The following CEP41 variants were observed in gnomAD, a reference collection of about 807,000 sequenced individuals.
The protein encoded by CEP41 is centrosomal protein of 41 kDa.
CEP41 carries 32 observed loss-of-function variants against 44.3 expected under a neutral mutation model. The ratio of observed to expected loss-of-function variants is 0.72; its 90% CI spans 0.54 to 0.97. The LOEUF (loss-of-function observed/expected upper bound fraction) is 0.97, where lower values mean the gene tolerates loss of function less well. Among genes scored for constraint, CEP41 ranks in the 50% least tolerant of loss-of-function variants. The pLI, the probability that CEP41 is intolerant of heterozygous loss-of-function variation, is 0.00. For synonymous variants in CEP41, 151 were observed against 168.5 expected (o/e 0.90, Z 0.80); for missense variants, 432 against 455.2 (o/e 0.95, Z 0.46).
At position 130,406,286 on chromosome 7, in the gene CEP41, A is replaced by T. The variant is rs782031802; in HGVS notation, c.278-1578T>A. Among the ~76,000 whole-genome samples, 63 of 152,112 alleles carry T rather than the reference A, an allele frequency of 4.1e-4. 1 individual carries two copies. The highest frequency in any genetic ancestry group is 8.1e-4 in the Non-Finnish European group (55 of 68,028). ...CTAACCAATACAATAAAGTTTTTTT[A>T]AAAATAATAATAACAGGGCGGGCAT... On this transcript the variant is annotated intron_variant, in intron 5 of 10. Transcript: ENST00000223208.
Position 130,395,569 on chromosome 7 carries a change from G to A in CEP41, c.*3322C>T, listed in dbSNP as rs1554414148. ...TCTAAAAAAGTCAGATAACATAAAA[G>A]ACAGAATCTATAGCCAATAAACAAC... is the stretch of plus-strand genomic sequence containing the variant. On this transcript the variant is annotated 3_prime_UTR_variant, in exon 11 of 11. Transcript: ENST00000223208. 2.2e-6 allele frequency: 1 copy of A among 454,032 alleles called. No individual in the cohort carries two copies. The highest frequency in any genetic ancestry group is 2.0e-5 in the African/African-American group (1 of 50,114). 28.1% of individuals were successfully genotyped at this position (454,032 alleles called of 1,614,324 possible).
chr7:130,428,792 C>T lies in CEP41; in HGVS notation c.34-774G>A, dbSNP rs116832969. Among the ~76,000 whole-genome samples, 1,003 of 151,862 alleles carry T rather than the reference C, an allele frequency of 6.6e-3. 9 individuals are homozygous for T. Among genetic ancestry groups the T allele is most frequent in the African/African-American group, 0.023 (960 of 41,402 alleles). ...CTGGGCATGGTGATGCACACCTATA[C>T]TCTCGCTACTTGGGAGGCTGAGGCA... On this transcript the variant is annotated intron_variant, in intron 1 of 10. Transcript: ENST00000223208.
At chr7:130,436,285 GA>G (rs568484935) in intron 1 of CEP41, among the ~76,000 whole-genome samples, 9,438 of 139,744 alleles carry the variant, frequency 0.068, 379 homozygotes, top group African/African-American at 0.13. Flanking sequence ...TATCTTGAGT[GA>G]AAAAAAAAAA....
intron 1 of CEP41, among the ~76,000 whole-genome samples, chr7:130,433,401 G>T (rs1344057547): frequency 6.6e-6 from 1 of 152,026 alleles, no homozygotes; most frequent in Non-Finnish European, 1.5e-5. Context: ...GTTGAAAATG[G>T]TATGGAGAGA....
chr7:130,432,801 A>C (rs545291061), intron 1 of CEP41, among the ~76,000 whole-genome samples: 2 of 152,040 alleles, frequency 1.3e-5, no homozygotes, highest in Non-Finnish European at 2.9e-5. Context: ...CTAGTTGGCT[A>C]CTTGCATCTA....
intron 1 of CEP41, among the ~76,000 whole-genome samples, chr7:130,433,215 G>A (rs1797872599): frequency 6.6e-6 from 1 of 152,108 alleles, no homozygotes; most frequent in African/African-American, 2.4e-5. Context: ...GCAAAAAACA[G>A]CAGATCAAGT....
At chr7:130,400,996 C>T in intron 8 of CEP41, 175 bp from the exon 9 acceptor site, 1 of 619,140 alleles carries the variant, frequency 1.6e-6, no homozygotes, top group South Asian at 1.8e-5. Context: ...ATGGAAACCA[C>T]ACAAGCTGGT....
rs78746121 is a variant in CEP41 at position 130,411,364 on chromosome 7, A to G, written c.208-173T>C. Among the ~76,000 whole-genome samples the G allele has an allele frequency of 0.014, 2,113 of 152,346 alleles. 23 individuals are homozygous for G. The highest frequency in any genetic ancestry group is 0.019 in the Non-Finnish European group (1,265 of 68,030). On this transcript the variant is annotated intron_variant, in intron 4 of 10. Coordinates refer to ENST00000223208, the MANE Select transcript of CEP41 (RefSeq NM_018718.3). ...CAGGCCTCCTTCCTTTTGTGTTGGTAATATACTGCAGATGATCATTTCAGA... is the reference window on the plus strand; with the variant it reads ...CAGGCCTCCTTCCTTTTGTGTTGGTGATATACTGCAGATGATCATTTCAGA...
At chr7:130,440,615 C>A (rs1380143987) in intron 1 of CEP41, 1 of 548,876 alleles carries the variant, frequency 1.8e-6, no homozygotes, top group East Asian at 3.1e-5. Flanking sequence ...CTTCCTTTGT[C>A]TTTTCTGTTT....
At chr7:130,401,718 G>A (rs1796848841) in intron 8 of CEP41, among the ~76,000 whole-genome samples, 163 bp downstream of exon 8, 1 of 152,144 alleles carries the variant, frequency 6.6e-6, no homozygotes, top group Non-Finnish European at 1.5e-5. Context: ...CGCCTAAAGA[G>A]TCAGGATTCT....
intron 4 of CEP41, 78 bp from the exon 5 acceptor site, chr7:130,411,269 A>T: frequency 8.7e-7 from 1 of 1,145,134 alleles, no homozygotes; most frequent in Non-Finnish European, 1.3e-6. Context: ...ACAAAAGACG[A>T]GGGAACAACA....
At chr7:130,400,282 C>T in intron 9 of CEP41, 28 bp from the exon 10 acceptor site, 1 of 1,561,032 alleles carries the variant, frequency 6.4e-7, no homozygotes, top group Non-Finnish European at 8.8e-7. Context: ...TCAGAAAAAG[C>T]TGCATTAATA....
intron 3 of CEP41, among the ~76,000 whole-genome samples, chr7:130,412,953 A>G (rs189131539): frequency 4.6e-5 from 7 of 152,334 alleles, no homozygotes; most frequent in Admixed American, 3.9e-4. Flanking sequence ...CTTAAAAACC[A>G]TTACGATGGT....
chr7:130,439,754 C>T (rs1376045139), intron 1 of CEP41, among the ~76,000 whole-genome samples: 2 of 152,092 alleles, frequency 1.3e-5, no homozygotes, highest in Non-Finnish European at 2.9e-5. Flanking sequence ...GGGATAAAGG[C>T]TAAGAACCTC....
At chr7:130,416,550 C>T (rs758018569) in intron 3 of CEP41, among the ~76,000 whole-genome samples, 3 of 152,190 alleles carry the variant, frequency 2.0e-5, no homozygotes, top group South Asian at 4.1e-4. Flanking sequence ...ATTATTACCC[C>T]CTATCTCAAA....
At chr7:130,421,190 T>C in intron 2 of CEP41, 1 of 985,368 alleles carries the variant, frequency 1.0e-6, no homozygotes, top group Non-Finnish European at 1.2e-6. Context: ...ATTAGATTTT[T>C]TCCATTGTTT....
Position 130,402,343 on chromosome 7 carries a change from C to CA in CEP41, c.574+304dup, listed in dbSNP as rs150874127. ...TCTTGGCAACAGAGCAAGGTATTAA[C>CA]AAAAAAAAAACAAAAAAAAAAATCA... On this transcript the variant is annotated intron_variant, in intron 7 of 10. Coordinates refer to ENST00000223208, the MANE Select transcript of CEP41 (RefSeq NM_018718.3). Among the ~76,000 whole-genome samples, 20,427 of 75,878 alleles carry CA rather than the reference C, an allele frequency of 0.27. 1,921 individuals carry two copies. Among genetic ancestry groups the CA allele is most frequent in the African/African-American group, 0.32 (5,538 of 17,228 alleles). 49.8% of individuals were successfully genotyped at this position (75,878 alleles called of 152,430 possible).
chr7:130,428,921 AT>A (rs1554424429), intron 1 of CEP41, among the ~76,000 whole-genome samples: 6 of 148,416 alleles, frequency 4.0e-5, no homozygotes, highest in African/African-American at 5.1e-5. Flanking sequence ...AAAAAAATAA[AT>A]AAATAAATAA....
In CEP41 at chr7:130,398,107, G is replaced by C; in HGVS notation, c.*784C>G. The C allele has an allele frequency of 2.2e-6, 1 of 454,086 alleles. No individual in the cohort carries two copies. Among genetic ancestry groups the C allele is most frequent in the Non-Finnish European group, 4.4e-6 (1 of 226,756 alleles). 28.1% of individuals were successfully genotyped at this position (454,086 alleles called of 1,614,324 possible). A position where few individuals can be genotyped will look rare whatever the true frequency, so the allele number is the denominator to read the frequency against. ...GTCATAACTGATATACTGACCACAA[G>C]TGAGGGCCGCTTTGGTGGGCTTCAA... On this transcript the variant is annotated 3_prime_UTR_variant, in exon 11 of 11. Coordinates refer to ENST00000223208, the MANE Select transcript of CEP41 (RefSeq NM_018718.3).
Sources: gnomAD v4.1 joint callset for allele counts (sites outside exome capture counted in the v4.1 genomes callset) on GRCh38, gnomAD v4.1.1 for gene constraint, MANE v1.5 for transcripts, NCBI Gene and HGNC (gene_info 2026-07-23, HGNC 2026-07-21) for gene names.